Variants in RAD51B observed in about 807,000 individuals in gnomAD.
RAD51B encodes RAD51 paralog B.
RAD51B carries 38 observed loss-of-function variants against 42.2 expected under a neutral mutation model. The ratio of observed to expected loss-of-function variants is 0.90; its 90% CI spans 0.70 to 1.18. The LOEUF is 1.18. Ranked by LOEUF, RAD51B falls within the 50% of genes most tolerant of loss-of-function variation. The probability of loss-of-function intolerance (pLI) is 0.00; values close to 1 mark genes in which losing one functional copy is unlikely to be tolerated. For synonymous variants in RAD51B, 154 were observed against 145.2 expected (o/e 1.06, Z -0.43); for missense variants, 373 against 400.7 (o/e 0.93, Z 0.59).
chr14:68,563,895 C>T (rs563077423), intron 10 of RAD51B: 6 of 985,470 alleles, frequency 6.1e-6, no homozygotes, highest in East Asian at 2.3e-4. Context: ...CCTTGAGTAA[C>T]GGCCACAGGC....
chr14:67,889,834 A>G (rs1328950556), intron 7 of RAD51B, among the ~76,000 whole-genome samples: 1 of 152,192 alleles, frequency 6.6e-6, no homozygotes, highest in Non-Finnish European at 1.5e-5. Flanking sequence ...ACTGAAATGA[A>G]AACATAAAAT....
intron 4 of RAD51B, among the ~76,000 whole-genome samples, chr14:67,835,492 G>A (rs1398335102): frequency 6.6e-6 from 1 of 151,630 alleles, no homozygotes; most frequent in Non-Finnish European, 1.5e-5. Context: ...TATATATAAT[G>A]CATACATATA....
intron 8 of RAD51B, among the ~76,000 whole-genome samples, chr14:68,331,604 A>G (rs886702019): frequency 1.3e-5 from 2 of 152,104 alleles, no homozygotes; most frequent in African/African-American, 4.8e-5. Flanking sequence ...TAGCTCCACA[A>G]CTGGGTTCTG....
rs140543068 is a variant in RAD51B, at chr14:67,950,512, G to C, written c.756+63308G>C. On this transcript the variant is annotated intron_variant, in intron 7 of 10. Coordinates refer to ENST00000471583, the MANE Select transcript of RAD51B (RefSeq NM_133510.4). ...TGGCCTTAAGGTAATGTTGTGGCTG[G>C]TTTGGTCTTCTATCCAGACATTTGG... Among the ~76,000 whole-genome samples the C allele has an allele frequency of 1.9e-3, 293 of 152,304 alleles. 1 individual carries two copies. Among genetic ancestry groups the C allele is most frequent in the African/African-American group, 6.3e-3 (263 of 41,562 alleles).
At chr14:68,142,613 A>G (rs548278645) in intron 7 of RAD51B, among the ~76,000 whole-genome samples, 3 of 152,322 alleles carry the variant, frequency 2.0e-5, no homozygotes, top group Non-Finnish European at 2.9e-5. Flanking sequence ...TCAACATGAC[A>G]GGATAAACAG....
chr14:68,653,721 C>A (rs138445371), intron 11 of RAD51B, among the ~76,000 whole-genome samples: 4 of 152,240 alleles, frequency 2.6e-5, no homozygotes, highest in African/African-American at 9.6e-5. Flanking sequence ...ATGATCATTA[C>A]GGCTCAAAGA....
intron 10 of RAD51B, among the ~76,000 whole-genome samples, chr14:68,647,588 C>T (rs1442130932): frequency 6.6e-6 from 1 of 152,128 alleles, no homozygotes; most frequent in Non-Finnish European, 1.5e-5. Flanking sequence ...AGTGGGACTA[C>T]ATGAGGCAGA....
chr14:68,484,345 TTTTC>T (rs1189330637), intron 10 of RAD51B, among the ~76,000 whole-genome samples: 2 of 131,998 alleles, frequency 1.5e-5, no homozygotes, highest in African/African-American at 3.3e-5. Context: ...AGTTGGGCTA[TTTTC>T]TTTCTTTTTC....
At chr14:67,992,755 G>GTT (rs142718110) in intron 7 of RAD51B, among the ~76,000 whole-genome samples, 14 of 149,282 alleles carry the variant, frequency 9.4e-5, no homozygotes, top group African/African-American at 2.9e-4. Context: ...AAGGAAAAAT[G>GTT]TTTTTTTTTT....
At chr14:68,458,989 G>A (rs1411386464) in intron 9 of RAD51B, among the ~76,000 whole-genome samples, 1 of 152,192 alleles carries the variant, frequency 6.6e-6, no homozygotes, top group Non-Finnish European at 1.5e-5. Context: ...TCCATGCAGA[G>A]TGATTTTCCA....
chr14:68,396,989 T>C (rs1206016474), intron 8 of RAD51B, among the ~76,000 whole-genome samples: 2 of 152,272 alleles, frequency 1.3e-5, no homozygotes, highest in Non-Finnish European at 2.9e-5. Context: ...CAGGTGGCCT[T>C]GGGCAAATCA....
intron 7 of RAD51B, among the ~76,000 whole-genome samples, chr14:68,274,412 C>T (rs1236712714): frequency 6.6e-6 from 1 of 152,104 alleles, no homozygotes; most frequent in African/African-American, 2.4e-5. Flanking sequence ...ATCTTTAAAT[C>T]GATAAGGGCA....
At chr14:68,519,743 A>G (rs1007090222) in intron 10 of RAD51B, among the ~76,000 whole-genome samples, 9 of 152,354 alleles carry the variant, frequency 5.9e-5, no homozygotes, top group African/African-American at 1.9e-4. Flanking sequence ...GGGAAAGCCC[A>G]GAGTCAGTTT....
intron 8 of RAD51B, among the ~76,000 whole-genome samples, chr14:68,371,158 C>A (rs970346902): frequency 7.3e-5 from 11 of 151,078 alleles, no homozygotes; most frequent in African/African-American, 2.7e-4. Context: ...GTTATTTAGG[C>A]CAAAAAAATC....
chr14:67,998,264 C>A (rs2075421199), intron 7 of RAD51B, among the ~76,000 whole-genome samples: 1 of 152,168 alleles, frequency 6.6e-6, no homozygotes, highest in Non-Finnish European at 1.5e-5. Flanking sequence ...TGAAGCAAAT[C>A]TGACTGATTT....
intron 7 of RAD51B, among the ~76,000 whole-genome samples, chr14:68,060,187 T>C (rs190845431): frequency 1.7e-4 from 26 of 152,360 alleles, no homozygotes; most frequent in Admixed American, 1.3e-3. Context: ...ATTTCTGTTA[T>C]AAAGCATATG....
chr14:68,228,610 T>A (rs1675002403), intron 7 of RAD51B, among the ~76,000 whole-genome samples: 1 of 152,218 alleles, frequency 6.6e-6, no homozygotes, highest in African/African-American at 2.4e-5. Context: ...GCTCTTGATG[T>A]GTAAGACATG....
intron 7 of RAD51B, among the ~76,000 whole-genome samples, chr14:67,979,562 A>C (rs1271343396): frequency 6.6e-6 from 1 of 152,066 alleles, no homozygotes; most frequent in Non-Finnish European, 1.5e-5. Context: ...CTGTTGACTG[A>C]TCTCATTTAC....
intron 4 of RAD51B, among the ~76,000 whole-genome samples, chr14:67,838,757 T>G (rs1482870747): frequency 6.6e-6 from 1 of 151,884 alleles, no homozygotes; most frequent in African/African-American, 2.4e-5. Flanking sequence ...TCTGTTTTTA[T>G]TAATACCATT....
Sources: allele counts gnomAD v4.1 joint callset (sites outside exome capture counted in the v4.1 genomes callset), GRCh38; gene constraint gnomAD v4.1.1; transcripts MANE v1.5; gene names NCBI Gene and HGNC (gene_info 2026-07-23, HGNC 2026-07-21).